Variants in CHRM3 observed in about 807,000 individuals in gnomAD.
The protein encoded by CHRM3 is cholinergic receptor muscarinic 3.
Under a neutral mutation model 41.8 loss-of-function variants are expected in CHRM3, and 11 were observed. That is an observed-to-expected ratio of 0.26 (90% CI 0.17 to 0.44). The LOEUF is 0.44. Ranked by LOEUF, CHRM3 falls within the 20% of genes least tolerant of loss-of-function variation. The probability of loss-of-function intolerance (pLI) is 1.00; values close to 1 mark genes in which losing one functional copy is unlikely to be tolerated. For synonymous variants in CHRM3, 297 were observed against 301.4 expected (o/e 0.99, Z 0.15); for missense variants, 571 against 745.4 (o/e 0.77, Z 2.72).
chr1:239,445,942 CT>C (rs201130618), intron 1 of CHRM3, among the ~76,000 whole-genome samples: 28,509 of 146,498 alleles, frequency 0.19, 2,817 homozygotes, highest in Non-Finnish European at 0.22. Flanking sequence ...ATGGTGTGCA[CT>C]TTTTTTTTTT....
chr1:239,475,935 A>C (rs141805969), intron 1 of CHRM3, among the ~76,000 whole-genome samples: 298 of 152,242 alleles, frequency 2.0e-3, no homozygotes, highest in African/African-American at 6.9e-3. Flanking sequence ...ATTGTGAGAA[A>C]ATCATTCATT....
chr1:239,868,223 C>G (rs779652702), intron 6 of CHRM3, among the ~76,000 whole-genome samples: 1 of 152,210 alleles, frequency 6.6e-6, no homozygotes, highest in Admixed American at 6.5e-5. Flanking sequence ...GGAACTCCTG[C>G]GGCGTGATGC....
At chr1:239,865,358 G>A (rs546879436) in intron 6 of CHRM3, among the ~76,000 whole-genome samples, 66 of 152,302 alleles carry the variant, frequency 4.3e-4, no homozygotes, top group Middle Eastern at 3.4e-3. Context: ...AGGGTATAAG[G>A]ATGTCAGACA....
At chr1:239,677,060 A>G (rs1047692432) in intron 4 of CHRM3, among the ~76,000 whole-genome samples, 204 of 152,032 alleles carry the variant, frequency 1.3e-3, no homozygotes, top group African/African-American at 4.5e-3. Flanking sequence ...TTGTCTGCCC[A>G]TCACTCTCCT....
chr1:239,892,422 G>C (rs2102951447), intron 6 of CHRM3, among the ~76,000 whole-genome samples: 1 of 152,218 alleles, frequency 6.6e-6, no homozygotes. Flanking sequence ...TACATTTTAT[G>C]ATTTAATCAA....
rs1256743674 is a variant in CHRM3 at position 239,412,971 on chromosome 1, G to A, written c.-521+25744G>A. ...CGCACATCTATAATCCCAGCTACTC[G>A]GGAGGCTGAGGCAAGAGAATTGCTT... On this transcript the variant is annotated intron_variant, in intron 1 of 6. Coordinates refer to ENST00000676153, the MANE Select transcript of CHRM3 (RefSeq NM_001375978.1). 6.6e-5 allele frequency among the ~76,000 whole-genome samples: 10 copies of A among 151,834 alleles called. No homozygotes were observed. In the East Asian group the frequency reaches 1.7e-3, roughly 27 times the overall value.
chr1:239,806,477 T>C (rs1670663042), intron 5 of CHRM3, among the ~76,000 whole-genome samples: 1 of 151,888 alleles, frequency 6.6e-6, no homozygotes, highest in South Asian at 2.1e-4. Flanking sequence ...AATTGTTGAA[T>C]CTATTGGGAG....
intron 4 of CHRM3, among the ~76,000 whole-genome samples, chr1:239,642,494 T>G (rs1671276824): frequency 6.6e-6 from 1 of 152,180 alleles, no homozygotes; most frequent in South Asian, 2.1e-4. Flanking sequence ...TAAACTTCCC[T>G]TCTCGCTTCA....
chr1:239,605,346 C>CA (rs2148712391), intron 3 of CHRM3, among the ~76,000 whole-genome samples: 1 of 152,250 alleles, frequency 6.6e-6, no homozygotes, highest in Non-Finnish European at 1.5e-5. Context: ...CTACAGTATT[C>CA]AGTACAGTAA....
At chr1:239,798,551 T>C (rs1558131960) in intron 5 of CHRM3, among the ~76,000 whole-genome samples, 2 of 152,190 alleles carry the variant, frequency 1.3e-5, no homozygotes, top group Non-Finnish European at 2.9e-5. Context: ...TCAACAAATA[T>C]GTGCTAAATG....
At chr1:239,810,553 GA>G (rs1202831480) in intron 5 of CHRM3, among the ~76,000 whole-genome samples, 1 of 152,206 alleles carries the variant, frequency 6.6e-6, no homozygotes, top group Non-Finnish European at 1.5e-5. Context: ...TAGGATTCAA[GA>G]ATTTCAACCC....
chr1:239,857,102 G>A (rs1675184276), intron 6 of CHRM3, among the ~76,000 whole-genome samples: 1 of 152,196 alleles, frequency 6.6e-6, no homozygotes, highest in Non-Finnish European at 1.5e-5. Context: ...AAACTTGAAT[G>A]ATTGCTTAGG....
chr1:239,499,027 G>C (rs963274196), intron 2 of CHRM3, among the ~76,000 whole-genome samples: 4 of 152,084 alleles, frequency 2.6e-5, no homozygotes, highest in African/African-American at 9.7e-5. Flanking sequence ...TGTTAGTGTT[G>C]AGCAATGTGG....
At chr1:239,433,296 G>T (rs1662972565) in intron 1 of CHRM3, among the ~76,000 whole-genome samples, 1 of 152,078 alleles carries the variant, frequency 6.6e-6, no homozygotes, top group African/African-American at 2.4e-5. Flanking sequence ...ATTCTCAGTT[G>T]TTCAATCTGG....
intron 3 of CHRM3, among the ~76,000 whole-genome samples, chr1:239,613,516 T>A (rs973753674): frequency 3.3e-5 from 5 of 152,172 alleles, no homozygotes; most frequent in African/African-American, 1.2e-4. Flanking sequence ...GAAGCAGAAT[T>A]CATAGTCGGC....
intron 5 of CHRM3, among the ~76,000 whole-genome samples, chr1:239,752,478 G>C (rs969536188): frequency 2.6e-5 from 4 of 152,150 alleles, no homozygotes; most frequent in Non-Finnish European, 4.4e-5. Flanking sequence ...TATTAAATTA[G>C]TGAGTGGAAA....
intron 4 of CHRM3, among the ~76,000 whole-genome samples, chr1:239,651,978 A>G (rs1573135448): frequency 8.9e-6 from 1 of 112,442 alleles, no homozygotes; most frequent in South Asian, 3.1e-4. Context: ...GTATTTCGCC[A>G]GTTTTTGTTT....
At chr1:239,777,538 C>A (rs1339636174) in intron 5 of CHRM3, among the ~76,000 whole-genome samples, 1 of 152,154 alleles carries the variant, frequency 6.6e-6, no homozygotes, top group Non-Finnish European at 1.5e-5. Context: ...TCTATCACAT[C>A]TAGGTAAATA....
chr1:239,527,911 G>GA (rs1000275689), intron 2 of CHRM3, among the ~76,000 whole-genome samples: 10 of 152,166 alleles, frequency 6.6e-5, no homozygotes, highest in African/African-American at 1.9e-4. Flanking sequence ...TACAACTTTT[G>GA]ATTTTTTTTT....
Sources: gnomAD v4.1 joint callset for allele counts (sites outside exome capture counted in the v4.1 genomes callset) on GRCh38, gnomAD v4.1.1 for gene constraint, MANE v1.5 for transcripts, NCBI Gene and HGNC (gene_info 2026-07-23, HGNC 2026-07-21) for gene names.